The following VWA3B variants were observed in gnomAD, a reference collection of about 807,000 sequenced individuals.
VWA3B encodes von Willebrand factor A domain-containing protein 3B.
In VWA3B, 138 loss-of-function variants were observed where a neutral mutation model predicts 158.3. The observed-to-expected ratio is 0.87, with a 90% CI of 0.76 to 1.00. The LOEUF (loss-of-function observed/expected upper bound fraction) is 1.00. VWA3B is among the 50% of genes least tolerant of loss of function. The probability of loss-of-function intolerance (pLI) is 0.00; values close to 1 mark genes in which losing one functional copy is unlikely to be tolerated. For missense variants in VWA3B, 1,555 were observed against 1,565.1 expected (o/e 0.99, Z 0.11); for synonymous variants, 596 against 587.3 (o/e 1.01, Z -0.21).
intron 1 of VWA3B, among the ~76,000 whole-genome samples, chr2:98,088,584 G>T (rs1161315053): frequency 2.0e-5 from 3 of 152,102 alleles, no homozygotes; most frequent in Non-Finnish European, 4.4e-5. Context: ...CTCTATGTAT[G>T]GTTCTTGGGA....
chr2:98,210,533 G>C (rs564143105), intron 12 of VWA3B, among the ~76,000 whole-genome samples: 1 of 152,332 alleles, frequency 6.6e-6, no homozygotes, highest in African/African-American at 2.4e-5. Flanking sequence ...TGAAATGAAA[G>C]GGAGTAAAGC....
intron 8 of VWA3B, among the ~76,000 whole-genome samples, chr2:98,170,034 T>C (rs1448178696): frequency 6.6e-6 from 1 of 151,836 alleles, no homozygotes; most frequent in Non-Finnish European, 1.5e-5. Context: ...GGTGAGAGAA[T>C]CGCTTGAGTT....
At chr2:98,314,925 G>A (rs773297120), downstream of VWA3B, among the ~76,000 whole-genome samples, 6 of 151,720 alleles carry the variant, frequency 4.0e-5, no homozygotes, top group Non-Finnish European at 8.8e-5. Context: ...TGGGAGGAGA[G>A]GCTGAGGCAA....
chr2:98,239,286 A>G (rs1469466909), intron 19 of VWA3B, among the ~76,000 whole-genome samples: 1 of 152,242 alleles, frequency 6.6e-6, no homozygotes, highest in Non-Finnish European at 1.5e-5. Context: ...GGCATGTCAT[A>G]CATTCATCAG....
In VWA3B at chr2:98,136,695, T is replaced by C. The variant is rs1256161517; in HGVS notation, c.988+2756T>C. 3.9e-5 allele frequency among the ~76,000 whole-genome samples: 6 copies of C among 152,000 alleles called. No homozygotes were observed. In the East Asian group the frequency reaches 1.2e-3, roughly 29 times the overall value. On this transcript the variant is annotated intron_variant, in intron 7 of 27. Transcript: ENST00000477737. ...GGAGGACTCCATCCTCATGACTTAA[T>C]CACTTCCCAAAAGGCCCCACTCTCA...
At chr2:98,132,511 C>G (rs1193662172) in intron 6 of VWA3B, among the ~76,000 whole-genome samples, 4 of 152,232 alleles carry the variant, frequency 2.6e-5, no homozygotes, top group African/African-American at 9.6e-5. Flanking sequence ...GCGCTGTGCT[C>G]TAAGGCTCAA....
At chr2:98,183,282 C>T (rs1373475427) in intron 9 of VWA3B, among the ~76,000 whole-genome samples, 1 of 149,462 alleles carries the variant, frequency 6.7e-6, no homozygotes, top group Non-Finnish European at 1.5e-5. Context: ...GGATTCACAC[C>T]TAAAATTGTG....
intron 2 of VWA3B, among the ~76,000 whole-genome samples, chr2:98,104,686 T>A (rs893455788): frequency 6.6e-6 from 1 of 152,272 alleles, no homozygotes; most frequent in Non-Finnish European, 1.5e-5. Context: ...GTCTACCATG[T>A]TACTATTTGC....
At chr2:98,160,636 C>G (rs903602240) in intron 7 of VWA3B, among the ~76,000 whole-genome samples, 1 of 152,208 alleles carries the variant, frequency 6.6e-6, no homozygotes, top group African/African-American at 2.4e-5. Context: ...TCATTTGAAA[C>G]TTTTAAGAGA....
chr2:98,209,821 C>T (rs959709089), intron 12 of VWA3B, among the ~76,000 whole-genome samples: 1 of 152,196 alleles, frequency 6.6e-6, no homozygotes, highest in Non-Finnish European at 1.5e-5. Flanking sequence ...ATTCGGTTAT[C>T]ATGTTAGAAG....
chr2:98,163,085 G>A (rs1004197682), intron 8 of VWA3B, 109 bp downstream of exon 8: 8 of 1,526,542 alleles, frequency 5.2e-6, no homozygotes, highest in East Asian at 4.5e-5. Flanking sequence ...GCCCAGCTGC[G>A]AGGGGCTGCT....
intron 22 of VWA3B, among the ~76,000 whole-genome samples, chr2:98,275,636 G>GA (rs1434206933): frequency 6.6e-6 from 1 of 152,240 alleles, no homozygotes; most frequent in Admixed American, 6.5e-5. Context: ...ACATACCTGG[G>GA]AGAGTGCACA....
At chr2:98,213,757 G>C (rs536565042) in intron 13 of VWA3B, among the ~76,000 whole-genome samples, 1 of 152,188 alleles carries the variant, frequency 6.6e-6, no homozygotes, top group African/African-American at 2.4e-5. Flanking sequence ...GCTGGAGTTA[G>C]GGGACAGTGT....
At chr2:98,119,438 C>A in intron 3 of VWA3B, 75 bp from the exon 4 acceptor site, 1 of 1,537,448 alleles carries the variant, frequency 6.5e-7, no homozygotes, top group South Asian at 1.2e-5. Flanking sequence ...GTGCACAGTT[C>A]TCGGTGGCAG....
At chr2:98,182,764 A>G (rs184773807) in intron 9 of VWA3B, among the ~76,000 whole-genome samples, 10 of 152,054 alleles carry the variant, frequency 6.6e-5, no homozygotes, top group African/African-American at 2.4e-4. Flanking sequence ...TACTAAAAAT[A>G]CAAAAATTAG....
In VWA3B at chr2:98,137,048, C is replaced by T. The variant is rs561219797; in HGVS notation, c.988+3109C>T. ...ACCACATCTTGTTTACTGATTCATC[C>T]ACCCATGGACTTTTGGGTTGCTTCT... On this transcript the variant is annotated intron_variant, in intron 7 of 27. Coordinates refer to ENST00000477737, the MANE Select transcript of VWA3B (RefSeq NM_144992.5). 2.0e-5 allele frequency among the ~76,000 whole-genome samples: 3 copies of T among 152,274 alleles called. No homozygotes were observed. The South Asian group carries it at 6.2e-4, about 32-fold the overall frequency.
At chr2:98,248,805 GTCTC>G (rs1277760502) in intron 19 of VWA3B, among the ~76,000 whole-genome samples, 2 of 151,314 alleles carry the variant, frequency 1.3e-5, no homozygotes, top group African/African-American at 4.9e-5. Context: ...CTTTCTCTCT[GTCTC>G]TCTTTCTCTT....
At chr2:98,188,475 C>T (rs748062594) in intron 10 of VWA3B, among the ~76,000 whole-genome samples, 4 of 152,114 alleles carry the variant, frequency 2.6e-5, no homozygotes, top group Admixed American at 6.5e-5. Flanking sequence ...CTTTTGTATT[C>T]GCTAACCAAC....
intron 12 of VWA3B, among the ~76,000 whole-genome samples, chr2:98,210,572 T>C (rs1240047470): frequency 6.6e-6 from 1 of 152,220 alleles, no homozygotes; most frequent in East Asian, 1.9e-4. Flanking sequence ...TGAGAGCAGC[T>C]GGATGGGTCA....
Sources: allele counts gnomAD v4.1 joint callset (sites outside exome capture counted in the v4.1 genomes callset), GRCh38; gene constraint gnomAD v4.1.1; transcripts MANE v1.5; gene names NCBI Gene and HGNC (gene_info 2026-07-23, HGNC 2026-07-21).